The following DAAM2 variants were observed in gnomAD, a reference collection of about 807,000 sequenced individuals.
DAAM2 encodes the protein dishevelled associated activator of morphogenesis 2, also known as disheveled-associated activator of morphogenesis 2.
Under a neutral mutation model 120.7 loss-of-function variants are expected in DAAM2, and 39 were observed. The ratio of observed to expected loss-of-function variants is 0.32; its 90% CI spans 0.25 to 0.42. The LOEUF is 0.42. DAAM2 is among the 10% of genes least tolerant of loss of function. DAAM2 has a pLI of 1.00. For synonymous variants in DAAM2, 488 were observed against 524.9 expected, an observed-to-expected ratio of 0.93 and a Z score of 0.96; for missense variants, 1,283 against 1,401.7, an observed-to-expected ratio of 0.92 and a Z score of 1.35.
chr6:39,843,118 T>A (rs1456976919), intron 1 of DAAM2, among the ~76,000 whole-genome samples: 1 of 152,210 alleles, frequency 6.6e-6, no homozygotes, highest in African/African-American at 2.4e-5. Context: ...AATTGACAGA[T>A]AACAGTGTAG....
intron 1 of DAAM2, among the ~76,000 whole-genome samples, chr6:39,846,268 G>A (rs1026832135): frequency 6.6e-6 from 1 of 152,106 alleles, no homozygotes; most frequent in Non-Finnish European, 1.5e-5. Flanking sequence ...ATGGTGGTTG[G>A]ATGAATAAAT....
At chr6:39,808,161 A>G (rs1008101408) in intron 1 of DAAM2, among the ~76,000 whole-genome samples, 3 of 150,722 alleles carry the variant, frequency 2.0e-5, no homozygotes, top group Non-Finnish European at 4.4e-5. Flanking sequence ...TCGTAGTAGT[A>G]TAGGTTGGTC....
At chr6:39,815,817 C>G (rs916123629) in intron 1 of DAAM2, among the ~76,000 whole-genome samples, 1 of 152,192 alleles carries the variant, frequency 6.6e-6, no homozygotes, top group Admixed American at 6.5e-5. Flanking sequence ...AAAGGTTACA[C>G]CATTTGGTCT....
At chr6:39,802,597 C>G (rs114361662) in intron 1 of DAAM2, among the ~76,000 whole-genome samples, 5,594 of 152,222 alleles carry the variant, frequency 0.037, 135 homozygotes, top group Non-Finnish European at 0.054. Flanking sequence ...CCCCAGCATC[C>G]TGCATAGTGT....
Position 39,887,286 on chromosome 6 carries a change from T to C in DAAM2, c.1954-200T>C, listed in dbSNP as rs146758482. 1.6e-3 allele frequency: 874 copies of C among 532,008 alleles called. 5 individuals carry two copies. Among genetic ancestry groups the C allele is most frequent in the African/African-American group, 0.014 (721 of 51,954 alleles). The allele number at this position is 532,008 out of a possible 1,614,324, so 33.0% of individuals were successfully genotyped here. A position where few individuals can be genotyped will look rare whatever the true frequency, so the allele number is the denominator to read the frequency against. ...CTTCTCGGTGTCCTTCCCCAACCCA[T>C]TGGAGCCTATGGAAAAGTCCCAGAT... On this transcript the variant is annotated intron_variant, in intron 15 of 24. Transcript: ENST00000274867.
chr6:39,889,464 C>G (rs1387242476), intron 17 of DAAM2, among the ~76,000 whole-genome samples: 1 of 152,178 alleles, frequency 6.6e-6, no homozygotes, highest in African/African-American at 2.4e-5. Flanking sequence ...TCTCATTTGG[C>G]ACAATTATTT....
At chr6:39,863,276 C>T (rs1378804751) in intron 3 of DAAM2, among the ~76,000 whole-genome samples, 3 of 152,092 alleles carry the variant, frequency 2.0e-5, no homozygotes, top group Non-Finnish European at 4.4e-5. Context: ...GTTTTTGGTG[C>T]TGATTCCCCT....
chr6:39,801,711 C>A (rs548127303), intron 1 of DAAM2, among the ~76,000 whole-genome samples: 1 of 152,344 alleles, frequency 6.6e-6, no homozygotes, highest in Non-Finnish European at 1.5e-5. Context: ...CATTGTCCAT[C>A]CAGAATGCCA....
At chr6:39,834,324 A>G (rs1309080534) in intron 1 of DAAM2, among the ~76,000 whole-genome samples, 1 of 151,784 alleles carries the variant, frequency 6.6e-6, no homozygotes, top group South Asian at 2.1e-4. Flanking sequence ...TTCTTTTTTC[A>G]CTCATTTTAA....
chr6:39,844,840 G>A (rs1053134752), intron 1 of DAAM2, among the ~76,000 whole-genome samples: 1 of 147,908 alleles, frequency 6.8e-6, no homozygotes, highest in African/African-American at 2.5e-5. Context: ...GTACAAGCAT[G>A]TGTGTTTGCT....
intron 1 of DAAM2, among the ~76,000 whole-genome samples, chr6:39,852,229 C>T (rs1402221744): frequency 1.3e-5 from 2 of 152,162 alleles, no homozygotes; most frequent in African/African-American, 4.8e-5. Context: ...TCTTTGCATC[C>T]CCTTTTCTCC....
At position 39,900,219 on chromosome 6, in the gene DAAM2, CCCAACCCCCACTGCTTG is replaced by C. The variant is rs775002075; in HGVS notation, c.2811+19_2811+35del. 2.2e-5 allele frequency: 35 copies of C among 1,608,362 alleles called. No individual in the cohort carries two copies. The South Asian group carries it at 3.1e-4, about 14-fold the overall frequency. ...GAGGCCAGGGACAAGGTAAGGGTGC[CCCAACCCCCACTGCTTG>C]CCAACCCAGCCTTATCTAAACAAGC... On this transcript the variant is annotated intron_variant, in intron 23 of 24. Coordinates refer to ENST00000274867, the MANE Select transcript of DAAM2 (RefSeq NM_001201427.2).
chr6:39,885,787 G>A (rs1430348677), intron 15 of DAAM2: 1 of 152,262 alleles, frequency 6.6e-6, no homozygotes, highest in African/African-American at 2.4e-5. Context: ...GTGGGGCAGG[G>A]GAGGTCCTGG....
rs539066313 is a variant in DAAM2, at chr6:39,849,110, G to A, written c.-56-7137G>A. On this transcript the variant is annotated intron_variant, in intron 1 of 24. Transcript: ENST00000274867. ...AAAATAATTGGATATTGTCAGTTGC[G>A]TAGGAATCAATCCAGTAATCCAGGA... is the stretch of plus-strand genomic sequence containing the variant. Among the ~76,000 whole-genome samples the A allele has an allele frequency of 2.9e-4, 44 of 152,310 alleles. 1 individual carries two copies. The highest frequency in any genetic ancestry group is 1.8e-3 in the Admixed American group (27 of 15,296).
chr6:39,811,313 T>A (rs1226709839), intron 1 of DAAM2, among the ~76,000 whole-genome samples: 1 of 152,100 alleles, frequency 6.6e-6, no homozygotes, highest in African/African-American at 2.4e-5. Flanking sequence ...GTGGATGTTG[T>A]TTTGTTTTCT....
intron 1 of DAAM2, among the ~76,000 whole-genome samples, chr6:39,848,317 G>A (rs760339382): frequency 4.6e-5 from 7 of 152,058 alleles, no homozygotes; most frequent in Non-Finnish European, 7.3e-5. Flanking sequence ...GCATTTACTC[G>A]GTGGGTGGGT....
In DAAM2 at chr6:39,878,544, C is replaced by T. The variant is rs946395110; in HGVS notation, c.1501C>T (p.Arg501Trp). The stretch of plus-strand genomic sequence containing the variant: ...GGAGTCCCAGGAGCTGCGCCAGGCT[C>T]GGGGACAAGTGGCAGAGCTGGTAGC... ...ARESQELRQA[R>W]GQVAELVAQL... The change falls in exon 13 of 25, where the codon CGG becomes TGG. Residue 501 changes from arginine to tryptophan, a missense_variant. Physicochemically the swap from Arg to Trp is moderately radical, Grantham distance 101. Transcript: ENST00000274867. The surrounding 1 kb of genome is among the most constrained non-coding windows in gnomAD (Gnocchi z 5.0). 14 of 1,609,608 alleles carry T rather than the reference C, an allele frequency of 8.7e-6. No individual in the cohort carries two copies. Among genetic ancestry groups the T allele is most frequent in the South Asian group, 2.2e-5 (2 of 89,858 alleles).
Position 39,901,977 on chromosome 6 carries a change from A to G in DAAM2, c.3147A>G (p.Arg1049=). The G allele has an allele frequency of 6.2e-7, 1 of 1,612,276 alleles. No individual in the cohort carries two copies. Among genetic ancestry groups the G allele is most frequent in the Non-Finnish European group, 8.5e-7 (1 of 1,178,582 alleles). ...GCAAGCTCAAGCGCAGCCGCAAGCG[A>G]TCAGGGAGCCAGGCCCTGGAAGTTA... is the stretch of plus-strand genomic sequence containing the variant. ...DLCKLKRSRK[R]SGSQALEVTR... The change falls in exon 25 of 25, where the codon CGA becomes CGG. Residue 1049 remains arginine, a synonymous_variant. Coordinates refer to ENST00000274867, the MANE Select transcript of DAAM2 (RefSeq NM_001201427.2). This position sits in a 1 kb window ranked among gnomAD's most constrained non-coding sequence, Gnocchi z 4.5.
At chr6:39,797,757 A>G (rs1319111360) in intron 1 of DAAM2, among the ~76,000 whole-genome samples, 1 of 152,248 alleles carries the variant, frequency 6.6e-6, no homozygotes, top group Non-Finnish European at 1.5e-5. Context: ...AGACTTTGCT[A>G]GGATTTAAGC....
Sources: gnomAD v4.1 joint callset for allele counts (sites outside exome capture counted in the v4.1 genomes callset) on GRCh38, gnomAD v4.1.1 for gene constraint, Gnocchi (gnomAD v3.1) non-coding constraint, MANE v1.5 for transcripts, NCBI Gene and HGNC (gene_info 2026-07-23, HGNC 2026-07-21) for gene names.